Variants in SNX29 observed in about 807,000 individuals in gnomAD.
The protein encoded by SNX29 is sorting nexin-29.
Under a neutral mutation model 102.1 loss-of-function variants are expected in SNX29, and 78 were observed. The ratio of observed to expected loss-of-function variants is 0.76; its 90% CI spans 0.64 to 0.92. The LOEUF (loss-of-function observed/expected upper bound fraction) is 0.92, where lower values mean the gene tolerates loss of function less well. Among genes scored for constraint, SNX29 ranks in the 40% least tolerant of loss-of-function variants. The probability of loss-of-function intolerance (pLI) is 0.00; values close to 1 mark genes in which losing one functional copy is unlikely to be tolerated. For missense variants in SNX29, 1,280 were observed against 1,061.7 expected, an observed-to-expected ratio of 1.21 and a Z score of -2.86; for synonymous variants, 580 against 414.5, an observed-to-expected ratio of 1.40 and a Z score of -4.85.
chr16:12,095,692 C>A (rs1464249543), intron 11 of SNX29, among the ~76,000 whole-genome samples: 2 of 152,166 alleles, frequency 1.3e-5, no homozygotes, highest in Non-Finnish European at 2.9e-5. Context: ...GCTTTTGAAT[C>A]CCGATTGTTG....
At chr16:12,134,927 G>A (rs1024131246) in intron 13 of SNX29, among the ~76,000 whole-genome samples, 1 of 152,228 alleles carries the variant, frequency 6.6e-6, no homozygotes, top group Non-Finnish European at 1.5e-5. Context: ...CTCACAAGCT[G>A]CCCTCTGCAG....
intron 20 of SNX29, among the ~76,000 whole-genome samples, chr16:12,533,524 C>A (rs1041337836): frequency 6.6e-6 from 1 of 152,192 alleles, no homozygotes; most frequent in Non-Finnish European, 1.5e-5. Flanking sequence ...GCCCGTCAGC[C>A]ACTGCAGCCT....
At chr16:12,143,718 C>G (rs991384341) in intron 13 of SNX29, among the ~76,000 whole-genome samples, 2 of 152,308 alleles carry the variant, frequency 1.3e-5, no homozygotes, top group African/African-American at 4.8e-5. Flanking sequence ...CCATTTCAAG[C>G]CTGCAAAAAG....
chr16:12,335,491 C>A (rs560895782), intron 15 of SNX29, among the ~76,000 whole-genome samples: 5 of 152,140 alleles, frequency 3.3e-5, no homozygotes, highest in Admixed American at 3.3e-4. Context: ...ATAGGGAGGA[C>A]CCCTCCCACC....
intron 19 of SNX29, among the ~76,000 whole-genome samples, chr16:12,500,443 A>G (rs568260047): frequency 2.6e-5 from 4 of 152,292 alleles, no homozygotes; most frequent in South Asian, 4.1e-4. Context: ...GGGACTTCTG[A>G]CAGGAGTCCG....
At chr16:12,237,767 A>T (rs894103966) in intron 14 of SNX29, among the ~76,000 whole-genome samples, 15 of 151,960 alleles carry the variant, frequency 9.9e-5, no homozygotes, top group Admixed American at 5.9e-4. Flanking sequence ...AATTAGTGGG[A>T]AGTGGTGGCA....
At chr16:12,472,448 G>A (rs1382121494) in intron 18 of SNX29, among the ~76,000 whole-genome samples, 1 of 151,502 alleles carries the variant, frequency 6.6e-6, no homozygotes, top group Non-Finnish European at 1.5e-5. Context: ...GAACCTGGGA[G>A]GTGGAGGTTG....
chr16:12,264,433 C>T (rs2078866700), intron 14 of SNX29, among the ~76,000 whole-genome samples: 1 of 152,214 alleles, frequency 6.6e-6, no homozygotes, highest in Admixed American at 6.5e-5. Flanking sequence ...ATGTATAACT[C>T]TGCTGCTTTA....
chr16:12,121,547 G>C (rs537305510), intron 11 of SNX29, among the ~76,000 whole-genome samples: 30 of 152,340 alleles, frequency 2.0e-4, no homozygotes, highest in African/African-American at 7.2e-4. Context: ...GTCACCTTAG[G>C]CTACAGGGCT....
chr16:12,528,245 G>A (rs1451014748), intron 20 of SNX29, among the ~76,000 whole-genome samples: 1 of 151,870 alleles, frequency 6.6e-6, no homozygotes, highest in Non-Finnish European at 1.5e-5. Flanking sequence ...TGTTGCACAG[G>A]CTGGAGTGCA....
At position 12,569,449 on chromosome 16, in the gene SNX29, T is replaced by A. The variant is rs746322962; in HGVS notation, c.*820T>A. 4.3e-6 allele frequency: 1 copy of A among 230,778 alleles called. No individual in the cohort carries two copies. The highest frequency in any genetic ancestry group is 8.6e-6 in the Non-Finnish European group (1 of 116,598). The allele number at this position is 230,778 out of a possible 1,614,324, so 14.3% of individuals were successfully genotyped here. ...AGCGTGTCCAAAGTAGCATTGGCCCTACAGTCATGAGAGACTTGGGTCAGG... is the reference window on the plus strand; with the variant it reads ...AGCGTGTCCAAAGTAGCATTGGCCCAACAGTCATGAGAGACTTGGGTCAGG... On this transcript the variant is annotated 3_prime_UTR_variant, in exon 21 of 21. Coordinates refer to ENST00000566228, the MANE Select transcript of SNX29 (RefSeq NM_032167.5).
At chr16:12,077,747 A>C (rs2051650240) in intron 10 of SNX29, among the ~76,000 whole-genome samples, 1 of 152,080 alleles carries the variant, frequency 6.6e-6, no homozygotes, top group African/African-American at 2.4e-5. Flanking sequence ...CAGCCTCCCA[A>C]GTAGCTGGGA....
intron 15 of SNX29, among the ~76,000 whole-genome samples, chr16:12,305,588 A>G (rs564535330): frequency 6.6e-6 from 1 of 152,282 alleles, no homozygotes; most frequent in South Asian, 2.1e-4. Flanking sequence ...TTTGTTCTCC[A>G]TAGATTTATT....
At chr16:12,124,994 A>C (rs2054142225) in intron 11 of SNX29, among the ~76,000 whole-genome samples, 1 of 152,214 alleles carries the variant, frequency 6.6e-6, no homozygotes. Context: ...AATCACAATG[A>C]TAGAGACTAA....
At chr16:12,156,090 G>T (rs567247853) in intron 13 of SNX29, among the ~76,000 whole-genome samples, 93 of 152,202 alleles carry the variant, frequency 6.1e-4, no homozygotes, top group Non-Finnish European at 8.1e-4. Context: ...ACATCTCCTT[G>T]AAGCCTTGGC....
At chr16:12,540,491 G>A (rs148715256) in intron 20 of SNX29, among the ~76,000 whole-genome samples, 2 of 152,364 alleles carry the variant, frequency 1.3e-5, no homozygotes, top group African/African-American at 4.8e-5. Context: ...GTGTCGGCAG[G>A]GCTGGCGCCT....
At chr16:11,977,052 A>G (rs2055315979) in intron 1 of SNX29, 1 of 415,310 alleles carries the variant, frequency 2.4e-6, no homozygotes, top group Non-Finnish European at 4.1e-6. Context: ...CATCCATAAA[A>G]ACCAGCTCCT....
At chr16:12,519,374 C>G (rs867440879) in intron 19 of SNX29, among the ~76,000 whole-genome samples, 1 of 152,166 alleles carries the variant, frequency 6.6e-6, no homozygotes, top group Non-Finnish European at 1.5e-5. Context: ...TGCACTGTAA[C>G]TCGTCTTTTA....
chr16:12,162,752 G>T (rs530821043), intron 13 of SNX29, among the ~76,000 whole-genome samples: 1 of 152,220 alleles, frequency 6.6e-6, no homozygotes, highest in Non-Finnish European at 1.5e-5. Flanking sequence ...CTGGCTCGTA[G>T]GAGGTGCGTA....
Sources: allele counts gnomAD v4.1 joint callset (sites outside exome capture counted in the v4.1 genomes callset), GRCh38; gene constraint gnomAD v4.1.1; transcripts MANE v1.5; gene names NCBI Gene and HGNC (gene_info 2026-07-23, HGNC 2026-07-21).